The following MIA2 variants were observed in gnomAD, a reference collection of about 807,000 sequenced individuals.
The protein encoded by MIA2 is melanoma inhibitory activity protein 2.
A neutral mutation model predicts 167.8 loss-of-function variants in MIA2; 127 were observed. That is an observed-to-expected ratio of 0.76 (90% CI 0.66 to 0.88). The LOEUF is 0.88. MIA2 is among the 40% of genes least tolerant of loss of function. The pLI, the probability that MIA2 is intolerant of heterozygous loss-of-function variation, is 0.00. For missense variants in MIA2, 1,690 were observed against 1,624.7 expected (o/e 1.04, Z -0.69); for synonymous variants, 552 against 541.9 (o/e 1.02, Z -0.26).
At chr14:39,283,775 A>G (rs1056077101) in intron 9 of MIA2, among the ~76,000 whole-genome samples, 4 of 152,320 alleles carry the variant, frequency 2.6e-5, no homozygotes, top group South Asian at 2.1e-4. Context: ...ACACCATTTC[A>G]TATACCTGTT....
intron 26 of MIA2, 69 bp downstream of exon 26, chr14:39,346,095 T>A (rs1248707345): frequency 7.6e-7 from 1 of 1,315,684 alleles, no homozygotes; most frequent in Non-Finnish European, 1.1e-6. Flanking sequence ...GAAGTTAGAA[T>A]AAAGACCAAT....
intron 23 of MIA2, among the ~76,000 whole-genome samples, chr14:39,376,206 GACCTCCCAA>G (rs1567059458): frequency 6.6e-6 from 1 of 152,124 alleles, no homozygotes. Context: ...TGCCTGCCTT[GACCTCCCAA>G]AGTGCTGGGA....
chr14:39,298,383 T>G (rs1411818401), intron 13 of MIA2, among the ~76,000 whole-genome samples: 1 of 142,298 alleles, frequency 7.0e-6, no homozygotes, highest in Non-Finnish European at 1.5e-5. Flanking sequence ...GGATTCTCAT[T>G]TGTTTTTACC....
downstream of MIA2, among the ~76,000 whole-genome samples, chr14:39,353,739 G>A (rs1299804631): frequency 6.6e-6 from 1 of 152,010 alleles, no homozygotes; most frequent in Non-Finnish European, 1.5e-5. Flanking sequence ...AACAGGCCCT[G>A]GTTTGTGATG....
chr14:39,302,336 T>C (rs777099110), intron 15 of MIA2, 87 bp downstream of exon 15: 285 of 1,450,850 alleles, frequency 2.0e-4, no homozygotes, highest in Non-Finnish European at 2.6e-4. Flanking sequence ...CCATGTTCTT[T>C]ATATGCTTTT....
chr14:39,304,202 A>AG (rs1004885291), intron 16 of MIA2, 89 bp from the exon 17 acceptor site: 30 of 516,120 alleles, frequency 5.8e-5, no homozygotes, highest in South Asian at 5.7e-4. Flanking sequence ...AAAAAGTGTT[A>AG]GGGGGGTCAT....
At position 39,348,935 on chromosome 14, in the gene MIA2, C is replaced by T; in HGVS notation, c.4030C>T (p.Pro1344Ser). The change falls in exon 28 of 29, where the codon CCA (proline) becomes TCA (serine). Residue 1344 changes from proline to serine, a missense_variant. By Grantham distance (74) the Pro-to-Ser change is moderately conservative (BLOSUM62 -1). Transcript: ENST00000640607. ...GTTTGGAGCTTCTCGAGATTATTTT[C>T]CACCAGGGGATTTCCCAGGTCCACC... The part of the protein sequence containing the change: ...AMFGASRDYF[P>S]PGDFPGPPPA... 2 of 1,614,102 alleles carry T rather than the reference C, an allele frequency of 1.2e-6. No individual in the cohort carries two copies. The highest frequency in any genetic ancestry group is 2.2e-5 in the South Asian group (2 of 91,078).
chr14:39,366,271 AC>A (rs1212565457), intron 23 of MIA2, among the ~76,000 whole-genome samples: 1 of 152,062 alleles, frequency 6.6e-6, no homozygotes, highest in Non-Finnish European at 1.5e-5. Context: ...ATACACGGGT[AC>A]AGGTATTAAC....
At chr14:39,268,071 G>C (rs1444378984) in intron 6 of MIA2, among the ~76,000 whole-genome samples, 3 of 151,444 alleles carry the variant, frequency 2.0e-5, no homozygotes, top group Non-Finnish European at 4.4e-5. Flanking sequence ...TTAATGTACA[G>C]TCTAGAGATA....
chr14:39,328,357 G>A (rs531135877), intron 25 of MIA2, among the ~76,000 whole-genome samples: 1 of 152,176 alleles, frequency 6.6e-6, no homozygotes, highest in Non-Finnish European at 1.5e-5. Flanking sequence ...TGTAGATTGT[G>A]GATATTAGCC....
chr14:39,246,870 A>G (rs757506052), intron 3 of MIA2, 41 bp from the exon 4 acceptor site: 3 of 1,126,412 alleles, frequency 2.7e-6, no homozygotes, highest in Non-Finnish European at 3.7e-6. Context: ...AAGGAGCTCT[A>G]GTACATTCAT....
In MIA2 at chr14:39,372,513, TTGTTC is replaced by T. The variant is rs1193768710; in HGVS notation, c.2249-14364_2249-14360del. Among the ~76,000 whole-genome samples, 5 of 152,322 alleles carry T rather than the reference TTGTTC, an allele frequency of 3.3e-5. No individual in the cohort carries two copies. In the East Asian group the frequency reaches 7.7e-4, roughly 23 times the overall value. On this transcript the variant is annotated intron_variant, in intron 23 of 23. Transcript: ENST00000341502. ...ACCAGGCAGCAGTTTTTGGAAAACT[TTGTTC>T]TGTTCTGGGTACCATATGTTAAATG...
In MIA2 at chr14:39,247,185, T is replaced by C; in HGVS notation, c.611T>C (p.Met204Thr). 1 of 1,614,164 alleles carries C rather than the reference T, an allele frequency of 6.2e-7. No homozygotes were observed. The highest frequency in any genetic ancestry group is 8.5e-7 in the Non-Finnish European group (1 of 1,180,026). ...KDWEEVVVES[M>T]EQDRIPEVHV... ...TGGGAAGAAGTAGTTGTTGAAAGTA[T>C]GGAACAGGATCGTATTCCAGAAGTG... Residue 204 changes from methionine (M) to threonine (T), a missense_variant, in exon 4 of 29, where the codon ATG (methionine) becomes ACG (threonine). Physicochemically the swap from Met to Thr is moderately conservative, Grantham distance 81 (BLOSUM62 -1). Coordinates refer to ENST00000640607, the MANE Select transcript of MIA2 (RefSeq NM_001329214.4).
intron 4 of MIA2, among the ~76,000 whole-genome samples, chr14:39,249,535 A>C (rs1000286197): frequency 2.7e-5 from 4 of 147,922 alleles, no homozygotes; most frequent in African/African-American, 7.5e-5. Context: ...AGAAAACTCA[A>C]GCAAAAAAAA....
intron 6 of MIA2, among the ~76,000 whole-genome samples, chr14:39,271,487 C>G (rs1206654212): frequency 1.3e-5 from 2 of 151,924 alleles, no homozygotes; most frequent in African/African-American, 4.8e-5. Context: ...TATGTGGAGT[C>G]CCTTGCATTT....
rs2073930008 is a variant in MIA2, at chr14:39,348,738, T to C, written c.3838-5T>C. 2.5e-6 allele frequency: 4 copies of C among 1,613,784 alleles called. No homozygotes were observed. The highest frequency in any genetic ancestry group is 3.4e-6 in the Non-Finnish European group (4 of 1,179,678). On this transcript the variant is annotated splice_region_variant and splice_polypyrimidine_tract_variant and intron_variant, in intron 27 of 28. Transcript: ENST00000640607. Reference sequence around the variant, plus strand: ...TAGTGACTGCCATATGTCAATTTGTTGTAGAATTTAAATGTGCCTGATTCA... The same window carrying C: ...TAGTGACTGCCATATGTCAATTTGTCGTAGAATTTAAATGTGCCTGATTCA...
intron 25 of MIA2, among the ~76,000 whole-genome samples, chr14:39,331,236 T>C (rs192399080): frequency 2.0e-5 from 3 of 152,322 alleles, no homozygotes; most frequent in Admixed American, 2.0e-4. Context: ...TTTTTGATCT[T>C]TGTTGGTTTC....
At chr14:39,361,030 C>G (rs1202044166) in intron 23 of MIA2, among the ~76,000 whole-genome samples, 1 of 152,160 alleles carries the variant, frequency 6.6e-6, no homozygotes, top group Non-Finnish European at 1.5e-5. Context: ...TATACCAATA[C>G]TATGCTGTTT....
chr14:39,264,646 T>A (rs1420706235), intron 6 of MIA2, among the ~76,000 whole-genome samples: 2 of 152,252 alleles, frequency 1.3e-5, no homozygotes, highest in African/African-American at 4.8e-5. Context: ...TGATTCAATA[T>A]GTTCTGAGAA....
Sources: gnomAD v4.1 joint callset for allele counts (sites outside exome capture counted in the v4.1 genomes callset) on GRCh38, gnomAD v4.1.1 for gene constraint, MANE v1.5 for transcripts, NCBI Gene and HGNC (gene_info 2026-07-23, HGNC 2026-07-21) for gene names.